The following DNAH5 variants were observed in gnomAD, a reference collection of about 807,000 sequenced individuals.
The protein encoded by DNAH5 is dynein axonemal heavy chain 5, also known as axonemal beta dynein heavy chain 5.
In DNAH5, 372 loss-of-function variants were observed where a neutral mutation model predicts 518.2. The observed-to-expected ratio is 0.72, with a 90% CI of 0.66 to 0.78. The LOEUF is 0.78. Among genes scored for constraint, DNAH5 ranks in the 30% least tolerant of loss-of-function variants. The pLI is 0.00. For missense variants in DNAH5, 5,523 were observed against 5,687.0 expected, an observed-to-expected ratio of 0.97 and a Z score of 0.93; for synonymous variants, 2,039 against 2,025.9, an observed-to-expected ratio of 1.01 and a Z score of -0.17.
In DNAH5 at chr5:13,865,662, T is replaced by G. The variant is rs771009010; in HGVS notation, c.4355+6A>C. The G allele has an allele frequency of 1.3e-5, 20 of 1,509,976 alleles. No individual in the cohort carries two copies. In the South Asian group the frequency reaches 2.0e-4, roughly 15 times the overall value. The allele number at this position is 1,509,976 out of a possible 1,614,324, so 93.5% of individuals were successfully genotyped here. A position where few individuals can be genotyped will look rare whatever the true frequency, so the allele number is the denominator to read the frequency against. On this transcript the variant is annotated splice_donor_region_variant and intron_variant, in intron 27 of 78. Coordinates refer to ENST00000265104, the MANE Select transcript of DNAH5 (RefSeq NM_001369.3). The stretch of plus-strand genomic sequence containing the variant: ...TGCTGGGCATGCTAAACATTTAATT[T>G]CTTACCTGTTCTGGAATTCTAAGAG...
chr5:13,782,717 C>T (rs1385000369), intron 52 of DNAH5, among the ~76,000 whole-genome samples: 1 of 152,184 alleles, frequency 6.6e-6, no homozygotes, highest in Non-Finnish European at 1.5e-5. Flanking sequence ...TTACTTGGAA[C>T]TGGGCCAAGG....
chr5:13,886,270 T>C (rs1772424930), intron 17 of DNAH5, 141 bp from the exon 18 acceptor site: 1 of 832,532 alleles, frequency 1.2e-6, no homozygotes, highest in Non-Finnish European at 1.9e-6. Flanking sequence ...GGCCACATCC[T>C]TCACAATAGC....
At chr5:13,891,992 A>T (rs1773291840) in intron 16 of DNAH5, among the ~76,000 whole-genome samples, 1 of 152,224 alleles carries the variant, frequency 6.6e-6, no homozygotes, top group African/African-American at 2.4e-5. Flanking sequence ...CTGGGAAATA[A>T]AGCTGAAATT....
At chr5:13,697,440 C>G (rs1741532181) in intron 78 of DNAH5, among the ~76,000 whole-genome samples, 1 of 152,156 alleles carries the variant, frequency 6.6e-6, no homozygotes, top group African/African-American at 2.4e-5. Context: ...GCTCTTCTTC[C>G]TTCATGTTTT....
Position 13,708,290 on chromosome 5 carries a change from T to C in DNAH5, c.13171A>G (p.Ile4391Val). 2 of 1,614,102 alleles carry C rather than the reference T, an allele frequency of 1.2e-6. No individual in the cohort carries two copies. The highest frequency in any genetic ancestry group is 1.7e-6 in the Non-Finnish European group (2 of 1,180,000). Residue 4391 changes from isoleucine (I) to valine (V), a missense_variant, in exon 76 of 79, where the codon ATT becomes GTT. Around this residue, in one of 3 missense-constraint regions of DNAH5, gnomAD observed 387 missense variants for 430.0 expected, o/e 0.90. Transcript: ENST00000265104. ...CTGTCTATTTCCTGCCTGAGGAAAA[T>C]GTTCATAGGCTGGAATGGCCCCATC... is the stretch of plus-strand genomic sequence containing the variant. ...QKMGPFQPMNIFLRQEIDRMQ... is the reference protein window; with the variant it reads ...QKMGPFQPMNVFLRQEIDRMQ...
At chr5:13,913,564 T>C (rs1776277877) in intron 11 of DNAH5, among the ~76,000 whole-genome samples, 179 bp downstream of exon 11, 1 of 152,126 alleles carries the variant, frequency 6.6e-6, no homozygotes, top group Admixed American at 6.5e-5. Context: ...AAGAACATAT[T>C]AGCACCATTA....
chr5:13,723,156 T>A (rs1408414696), intron 70 of DNAH5, among the ~76,000 whole-genome samples: 2 of 152,218 alleles, frequency 1.3e-5, no homozygotes, highest in East Asian at 3.8e-4. Flanking sequence ...GTTGGACAGA[T>A]CCAATATCTA....
In DNAH5 at chr5:13,875,977, A is replaced by G. The variant is rs147291269; in HGVS notation, c.3396+707T>C. On this transcript the variant is annotated intron_variant, in intron 22 of 78. Coordinates refer to ENST00000265104, the MANE Select transcript of DNAH5 (RefSeq NM_001369.3). Reference sequence around the variant, plus strand: ...GAAAAAATGCACTTACTGAGCAACAACTATTCCTTAAACACTGGGAAACAT... The same window carrying G: ...GAAAAAATGCACTTACTGAGCAACAGCTATTCCTTAAACACTGGGAAACAT... 5.4e-3 allele frequency among the ~76,000 whole-genome samples: 816 copies of G among 152,320 alleles called. 5 individuals are homozygous for G. The highest frequency in any genetic ancestry group is 0.019 in the African/African-American group (778 of 41,578).
intron 54 of DNAH5, among the ~76,000 whole-genome samples, chr5:13,776,990 C>A (rs1754185306): frequency 6.6e-6 from 1 of 152,040 alleles, no homozygotes; most frequent in Non-Finnish European, 1.5e-5. Flanking sequence ...GTTATTGGAA[C>A]ATTCACTGAT....
At chr5:13,715,803 T>C (rs1377600470) in intron 74 of DNAH5, among the ~76,000 whole-genome samples, 2 of 152,318 alleles carry the variant, frequency 1.3e-5, no homozygotes, top group South Asian at 2.1e-4. Context: ...CAAGCGACAA[T>C]TTTGCCCCCC....
In DNAH5 at chr5:13,752,186, G is replaced by T. The variant is rs970853858; in HGVS notation, c.10976C>A (p.Ala3659Glu). 1.2e-6 allele frequency: 2 copies of T among 1,613,842 alleles called. No homozygotes were observed. Among genetic ancestry groups the T allele is most frequent in the African/African-American group, 2.7e-5 (2 of 74,886 alleles). ...GTTTCTTTCCAAAACATTATCTAGT[G>T]CTGGATCTAGTTCCTCTCCAACATC... is the stretch of plus-strand genomic sequence containing the variant. ...IEDVGEELDP[A>E]LDNVLERNFI... Residue 3659 changes from alanine (A) to glutamate (E), a missense_variant, in exon 64 of 79, where the codon GCA (alanine) becomes GAA (glutamate). Coordinates refer to ENST00000265104, the MANE Select transcript of DNAH5 (RefSeq NM_001369.3).
Position 13,807,572 on chromosome 5 carries a change from C to A in DNAH5, c.7887+19G>T. 6.2e-7 allele frequency: 1 copy of A among 1,612,386 alleles called. No individual in the cohort carries two copies. Among genetic ancestry groups the A allele is most frequent in the South Asian group, 1.1e-5 (1 of 90,788 alleles). On this transcript the variant is annotated intron_variant, in intron 47 of 78. Transcript: ENST00000265104. ...TATCACAAAATTGGGCTTACTGAGC[C>A]ATACCAAAGAGCCAGTACCTGGAAC...
chr5:13,828,600 G>A (rs996338020), intron 38 of DNAH5, among the ~76,000 whole-genome samples: 6 of 152,288 alleles, frequency 3.9e-5, no homozygotes, highest in South Asian at 2.1e-4. Flanking sequence ...TGTAGCACTC[G>A]TTTTGCTGAA....
rs1782185473 is a variant in DNAH5 at position 13,975,589 on chromosome 5, G to GAA, written c.12+36057_12+36058dup. Among the ~76,000 whole-genome samples the GAA allele has an allele frequency of 2.0e-5, 3 of 152,192 alleles. No homozygotes were observed. The South Asian group carries it at 6.2e-4, about 32-fold the overall frequency. On this transcript the variant is annotated intron_variant, in intron 1 of 78. Coordinates refer to the DNAH5 transcript ENST00000681290. ...GCAGGGTTTACTTACCATATGGAAT[G>GAA]AAAGTATTCAACTTTCCAACAATTA...
chr5:13,959,567 C>T (rs1781011384), intron 1 of DNAH5, among the ~76,000 whole-genome samples: 1 of 152,154 alleles, frequency 6.6e-6, no homozygotes, highest in African/African-American at 2.4e-5. Context: ...AGGATTGGGG[C>T]CACCAAGGCA....
At chr5:13,721,862 A>C (rs2126534738) in intron 70 of DNAH5, among the ~76,000 whole-genome samples, 1 of 151,678 alleles carries the variant, frequency 6.6e-6, no homozygotes, top group African/African-American at 2.4e-5. Flanking sequence ...ACAACCATAG[A>C]AAAAAATTAT....
intron 30 of DNAH5, among the ~76,000 whole-genome samples, chr5:13,856,327 T>A (rs1009703494): frequency 3.9e-5 from 6 of 152,066 alleles, no homozygotes; most frequent in African/African-American, 1.4e-4. Flanking sequence ...TCGCCACTGA[T>A]CCCACAGAAA....
At chr5:13,934,213 G>C (rs544685372) in intron 1 of DNAH5, among the ~76,000 whole-genome samples, 1 of 152,132 alleles carries the variant, frequency 6.6e-6, no homozygotes, top group Non-Finnish European at 1.5e-5. Flanking sequence ...TCTGGTCAGC[G>C]GTACCATCTG....
chr5:13,846,164 G>T (rs1018639208), intron 31 of DNAH5, among the ~76,000 whole-genome samples: 1 of 151,828 alleles, frequency 6.6e-6, no homozygotes, highest in Non-Finnish European at 1.5e-5. Flanking sequence ...AGGTTCAGGG[G>T]TTCATGTGCA....
Sources: gnomAD v4.1 joint callset for allele counts (sites outside exome capture counted in the v4.1 genomes callset) on GRCh38, gnomAD v4.1.1 for gene constraint, gnomAD v4.1.1 regional missense constraint, MANE v1.5 for transcripts, NCBI Gene and HGNC (gene_info 2026-07-23, HGNC 2026-07-21) for gene names.